Variants in LILRB1 observed in about 807,000 individuals in gnomAD.
The protein encoded by LILRB1 is leukocyte immunoglobulin like receptor B1.
Under a neutral mutation model 74.6 loss-of-function variants are expected in LILRB1, and 59 were observed. The ratio of observed to expected loss-of-function variants is 0.79; its 90% CI spans 0.64 to 0.98. LILRB1 has a LOEUF of 0.98. LILRB1 is among the 50% of genes least tolerant of loss of function. LILRB1 has a pLI of 0.00. For missense variants in LILRB1, 804 were observed against 822.6 expected (o/e 0.98, Z 0.28); for synonymous variants, 328 against 333.9 (o/e 0.98, Z 0.19).
At chr19:54,625,806 A>G (rs530559692), upstream of LILRB1, among the ~76,000 whole-genome samples, 2 of 147,394 alleles carry the variant, frequency 1.4e-5, no homozygotes, top group South Asian at 4.3e-4. Context: ...TCCCCGTGTT[A>G]GGGACCCTCT....
chr19:54,630,008 T>C (rs534529479), upstream of LILRB1, among the ~76,000 whole-genome samples: 1 of 152,296 alleles, frequency 6.6e-6, no homozygotes, highest in South Asian at 2.1e-4. Flanking sequence ...GATCCTCTTA[T>C]GTCCCAAACA....
chr19:54,630,398 G>T (rs1264083450), upstream of LILRB1: 2 of 332,730 alleles, frequency 6.0e-6, no homozygotes, highest in East Asian at 1.6e-4. Flanking sequence ...TTTTAAAAAG[G>T]GGAAGTTAAG....
chr19:54,634,130 C>A, intron 9 of LILRB1, 109 bp downstream of exon 9: 2 of 1,535,860 alleles, frequency 1.3e-6, no homozygotes, highest in East Asian at 2.4e-5. Context: ...CAGGCTCCTC[C>A]CCTGCTTGGG....
rs2064155456 is a variant in LILRB1, at chr19:54,633,992, T to C, written c.1334T>C (p.Leu445Pro). ...CCAGCAGGCCCTGAGGACCAGCCCC[T>C]CACCCCCACCGGGTCGGATCCCCAG... ...STSAGPEDQP[L>P]TPTGSDPQSG... Residue 445 changes from leucine to proline, a missense_variant, in exon 9 of 15, where the codon CTC becomes CCC. Leu to Pro is a moderately conservative substitution (Grantham distance 98, BLOSUM62 -3). Transcript: ENST00000324602. 3 of 1,597,974 alleles carry C rather than the reference T, an allele frequency of 1.9e-6. No individual in the cohort carries two copies. The East Asian group carries it at 6.8e-5, about 36-fold the overall frequency.
chr19:54,630,386 T>C (rs2063738249), upstream of LILRB1: 3 of 192,078 alleles, frequency 1.6e-5, no homozygotes, highest in African/African-American at 1.1e-4. Context: ...TGTAGCAAAA[T>C]ATTTTAAAAA....
At chr19:54,634,594 C>G in intron 9 of LILRB1, 47 bp from the exon 10 acceptor site, 1 of 1,571,270 alleles carries the variant, frequency 6.4e-7, no homozygotes. Flanking sequence ...ACAGTAGGCG[C>G]TCATTTCAAT....
At chr19:54,628,693 C>G (rs1388880276), upstream of LILRB1, among the ~76,000 whole-genome samples, 1 of 152,118 alleles carries the variant, frequency 6.6e-6, no homozygotes, top group Non-Finnish European at 1.5e-5. Flanking sequence ...TGCTCAACCA[C>G]CCAGAAACCC....
intron 1 of LILRB1, among the ~76,000 whole-genome samples, chr19:54,622,463 T>C (rs1375558256): frequency 1.3e-5 from 2 of 152,212 alleles, no homozygotes; most frequent in Admixed American, 6.5e-5. Flanking sequence ...TTAATTTGAT[T>C]CTCAGCTTGA....
At chr19:54,626,151 C>A (rs1027745715), upstream of LILRB1, among the ~76,000 whole-genome samples, 10 of 152,214 alleles carry the variant, frequency 6.6e-5, no homozygotes, top group African/African-American at 2.4e-4. Context: ...TTCCATTCAG[C>A]CAACTTGAAC....
intron 7 of LILRB1, 71 bp downstream of exon 7, chr19:54,633,389 G>A: frequency 6.4e-7 from 1 of 1,552,878 alleles, no homozygotes; most frequent in Non-Finnish European, 8.7e-7. Flanking sequence ...AGAGCTCTGG[G>A]CTGGGATGGA....
At chr19:54,626,586 C>T (rs1489110160), upstream of LILRB1, among the ~76,000 whole-genome samples, 5 of 145,946 alleles carry the variant, frequency 3.4e-5, no homozygotes, top group Non-Finnish European at 7.6e-5. Flanking sequence ...ATACTATGCT[C>T]ATCATTTCAG....
intron 1 of LILRB1, among the ~76,000 whole-genome samples, chr19:54,622,300 A>G (rs2063477535): frequency 6.6e-6 from 1 of 152,202 alleles, no homozygotes; most frequent in Admixed American, 6.5e-5. Context: ...TTTTAACAAT[A>G]TTGATTCTTC....
chr19:54,621,817 C>A (rs545875585), intron 1 of LILRB1, among the ~76,000 whole-genome samples: 1 of 152,214 alleles, frequency 6.6e-6, no homozygotes, highest in African/African-American at 2.4e-5. Flanking sequence ...TACATAGTTT[C>A]AGGTCTCACA....
upstream of LILRB1, among the ~76,000 whole-genome samples, chr19:54,629,708 C>T (rs2063705569): frequency 1.5e-5 from 2 of 131,506 alleles, no homozygotes; most frequent in Non-Finnish European, 3.4e-5. Context: ...TTGCAGATCC[C>T]GAGGTTCCTC....
chr19:54,633,383 C>G, intron 7 of LILRB1, 65 bp downstream of exon 7: 1 of 1,558,674 alleles, frequency 6.4e-7, no homozygotes, highest in Non-Finnish European at 8.7e-7. Context: ...CCCAGGAGAG[C>G]TCTGGGCTGG....
At position 54,632,072 on chromosome 19, in the gene LILRB1, C is replaced by G. The variant is rs763628392; in HGVS notation, c.496C>G (p.Gln166Glu). 5.0e-6 allele frequency: 8 copies of G among 1,614,134 alleles called. No homozygotes were observed. The East Asian group carries it at 1.8e-4, about 36-fold the overall frequency. ...LCKEGEDEHP[Q>E]CLNSQPHARG... ...TAAGGAAGGAGAAGATGAACACCCA[C>G]AATGCCTGAACTCCCAGCCCCATGC... is the stretch of plus-strand genomic sequence containing the variant. Residue 166 changes from glutamine (Q) to glutamate (E), a missense_variant, in exon 5 of 15, where the codon CAA becomes GAA. By Grantham distance (29) the Gln-to-Glu change is conservative. Coordinates refer to ENST00000324602, the MANE Select transcript of LILRB1 (RefSeq NM_001081637.3).
intron 13 of LILRB1, chr19:54,636,222 C>T: frequency 1.6e-6 from 1 of 626,616 alleles, no homozygotes; most frequent in Non-Finnish European, 2.8e-6. Flanking sequence ...CGAGCCCCTG[C>T]AGGCAGAGGA....
At chr19:54,618,989 T>C (rs990273) in intron 1 of LILRB1, among the ~76,000 whole-genome samples, 87,782 of 151,898 alleles carry the variant, frequency 0.58, 26,639 homozygotes, top group South Asian at 0.69. Flanking sequence ...TATTAATTGA[T>C]TAGCTGGGTA....
At position 54,632,192 on chromosome 19, in the gene LILRB1, T is replaced by C. The variant is rs2063936249; in HGVS notation, c.616T>C (p.Tyr206His). Residue 206 changes from tyrosine to histidine, a missense_variant, in exon 5 of 15, where the codon TAT becomes CAT. By Grantham distance (83) the Tyr-to-His change is moderately conservative (BLOSUM62 2). Coordinates refer to ENST00000324602, the MANE Select transcript of LILRB1 (RefSeq NM_001081637.3). ...RCYAYDSNSPYEWSLPSDLLE... is the reference protein window; with the variant it reads ...RCYAYDSNSPHEWSLPSDLLE... Reference sequence around the variant, plus strand: ...CTATGCTTATGACTCGAACTCTCCCTATGAGTGGTCTCTACCCAGTGATCT... The same window carrying C: ...CTATGCTTATGACTCGAACTCTCCCCATGAGTGGTCTCTACCCAGTGATCT... The C allele has an allele frequency of 3.1e-6, 5 of 1,614,028 alleles. No individual in the cohort carries two copies. The highest frequency in any genetic ancestry group is 3.3e-5 in the Admixed American group (2 of 60,004).
Sources: gnomAD v4.1 joint callset for allele counts (sites outside exome capture counted in the v4.1 genomes callset) on GRCh38, gnomAD v4.1.1 for gene constraint, MANE v1.5 for transcripts, NCBI Gene and HGNC (gene_info 2026-07-23, HGNC 2026-07-21) for gene names.